The following REPS1 variants were observed in gnomAD, a reference collection of about 807,000 sequenced individuals.
REPS1 encodes ralBP1-associated Eps domain-containing protein 1.
Under a neutral mutation model 100.9 loss-of-function variants are expected in REPS1, and 39 were observed. That is an observed-to-expected ratio of 0.39 (90% CI 0.30 to 0.50). The LOEUF (loss-of-function observed/expected upper bound fraction) is 0.50, where lower values mean the gene tolerates loss of function less well. Ranked by LOEUF, REPS1 falls within the 20% of genes least tolerant of loss-of-function variation. The pLI is 0.86. For missense variants in REPS1, 821 were observed against 968.5 expected (o/e 0.85, Z 2.02); for synonymous variants, 324 against 340.3 (o/e 0.95, Z 0.53).
At chr6:138,920,640 AT>A in intron 11 of REPS1, among the ~76,000 whole-genome samples, 1 of 152,352 alleles carries the variant, frequency 6.6e-6, no homozygotes. Context: ...CACAAAAAAA[AT>A]CTACCTTTGA....
chr6:138,958,865 A>G (rs560479562), intron 1 of REPS1, among the ~76,000 whole-genome samples: 27 of 152,318 alleles, frequency 1.8e-4, no homozygotes, highest in Admixed American at 7.2e-4. Context: ...TTTTAAAACT[A>G]TAAAACAAGA....
chr6:138,965,630 A>G (rs1783977128), intron 1 of REPS1, among the ~76,000 whole-genome samples: 1 of 152,192 alleles, frequency 6.6e-6, no homozygotes, highest in Admixed American at 6.5e-5. Context: ...CCTAAACAAG[A>G]GGCATAAACC....
chr6:138,916,865 T>A (rs966926326), intron 13 of REPS1, among the ~76,000 whole-genome samples: 1 of 151,918 alleles, frequency 6.6e-6, no homozygotes, highest in Non-Finnish European at 1.5e-5. Flanking sequence ...AACAGCAGAG[T>A]AAAATCCAAG....
intron 1 of REPS1, among the ~76,000 whole-genome samples, chr6:138,969,278 T>TTA (rs999972141): frequency 5.6e-5 from 6 of 108,096 alleles, no homozygotes; most frequent in African/African-American, 2.1e-4. Flanking sequence ...AATTTTTTTT[T>TTA]TTTTTTTTTT....
intron 1 of REPS1, among the ~76,000 whole-genome samples, chr6:138,980,351 AC>A (rs1050566249): frequency 1.4e-4 from 22 of 152,212 alleles, no homozygotes; most frequent in South Asian, 8.3e-4. Context: ...ATGATGCTAC[AC>A]CCCCGAATAA....
intron 1 of REPS1, among the ~76,000 whole-genome samples, chr6:138,955,182 G>A (rs1260740039): frequency 6.6e-6 from 1 of 152,020 alleles, no homozygotes; most frequent in Non-Finnish European, 1.5e-5. Context: ...AGGTATGATG[G>A]CTCACACCTG....
At chr6:138,943,232 G>A (rs1782380828) in intron 7 of REPS1, among the ~76,000 whole-genome samples, 1 of 152,178 alleles carries the variant, frequency 6.6e-6, no homozygotes, top group Non-Finnish European at 1.5e-5. Context: ...ATATAACCAT[G>A]TATGTGCAAA....
chr6:138,941,213 T>A (rs975951566), intron 8 of REPS1, 122 bp downstream of exon 8: 1 of 1,039,778 alleles, frequency 9.6e-7, no homozygotes, highest in East Asian at 2.4e-5. Flanking sequence ...CAAATCTATG[T>A]ACACTTGATG....
At chr6:138,920,077 G>A (rs973856450) in intron 12 of REPS1, 138 bp downstream of exon 12, 1 of 507,480 alleles carries the variant, frequency 2.0e-6, no homozygotes, top group Non-Finnish European at 3.5e-6. Flanking sequence ...TTCACTGATA[G>A]GGCAAAGTGT....
intron 10 of REPS1, among the ~76,000 whole-genome samples, chr6:138,922,004 T>TGTGTGTGTGTGAGA (rs765188933): frequency 6.8e-6 from 1 of 146,590 alleles, no homozygotes. Flanking sequence ...TGTGTGTGTG[T>TGTGTGTGTGTGAGA]GAGATTTACA....
chr6:138,969,532 A>C (rs1278873303), intron 1 of REPS1, among the ~76,000 whole-genome samples: 1 of 148,862 alleles, frequency 6.7e-6, no homozygotes, highest in Non-Finnish European at 1.5e-5. Context: ...CAAGTGATCC[A>C]TCTGCCTCGG....
chr6:138,975,172 A>G (rs1208469418), intron 1 of REPS1, among the ~76,000 whole-genome samples: 1 of 152,074 alleles, frequency 6.6e-6, no homozygotes, highest in East Asian at 1.9e-4. Context: ...CAGCACATAC[A>G]AAATCCACCA....
chr6:138,926,367 A>C (rs777106459), intron 10 of REPS1, 34 bp downstream of exon 10: 1 of 1,469,968 alleles, frequency 6.8e-7, no homozygotes, highest in East Asian at 2.3e-5. Context: ...TAATAAAATT[A>C]ATCTCAAACA....
chr6:138,958,983 AG>A lies in REPS1; in HGVS notation c.154-11071del, dbSNP rs758830420. On this transcript the variant is annotated intron_variant, in intron 1 of 19. Coordinates refer to ENST00000450536, the MANE Select transcript of REPS1 (RefSeq NM_001286611.2). ...TAGAACTGGTACTATCATTTTACAG[AG>A]GAAAAAAGAGAAAAGCAACTTGCCT... Among the ~76,000 whole-genome samples, 3 of 152,338 alleles carry A rather than the reference AG, an allele frequency of 2.0e-5. 1 individual carries two copies.
At chr6:138,947,455 T>A (rs1218923554) in intron 2 of REPS1, among the ~76,000 whole-genome samples, 1 of 152,234 alleles carries the variant, frequency 6.6e-6, no homozygotes, top group Non-Finnish European at 1.5e-5. Context: ...TACATGAAGA[T>A]GGTCGCTGTA....
At chr6:138,972,783 A>C (rs1482382209) in intron 1 of REPS1, among the ~76,000 whole-genome samples, 1 of 152,204 alleles carries the variant, frequency 6.6e-6, no homozygotes, top group Non-Finnish European at 1.5e-5. Flanking sequence ...TCACCTGACC[A>C]ACTTTAAAAG....
intron 12 of REPS1, among the ~76,000 whole-genome samples, chr6:138,918,316 A>C (rs1056938865): frequency 1.3e-5 from 2 of 152,244 alleles, no homozygotes; most frequent in African/African-American, 4.8e-5. Flanking sequence ...TAAAGTATAC[A>C]GGAGGATGTG....
intron 1 of REPS1, among the ~76,000 whole-genome samples, chr6:138,970,351 C>G (rs1784274099): frequency 6.7e-6 from 1 of 149,142 alleles, no homozygotes; most frequent in Non-Finnish European, 1.5e-5. Context: ...CCACGATGAA[C>G]AAGAAGAGAC....
At chr6:138,909,053 A>T (rs142220263) in intron 17 of REPS1, 1 of 477,666 alleles carries the variant, frequency 2.1e-6, no homozygotes, top group East Asian at 4.0e-5. Context: ...TTAGAGCAAC[A>T]TACTGATGCA....
Sources: allele counts gnomAD v4.1 joint callset (sites outside exome capture counted in the v4.1 genomes callset), GRCh38; gene constraint gnomAD v4.1.1; transcripts MANE v1.5; gene names NCBI Gene and HGNC (gene_info 2026-07-23, HGNC 2026-07-21).